The following ERICH6 variants were observed in gnomAD, a reference collection of about 807,000 sequenced individuals.
ERICH6 encodes the protein glutamate-rich protein 6.
Under a neutral mutation model 71.0 loss-of-function variants are expected in ERICH6, and 71 were observed. The observed-to-expected ratio is 1.00, with a 90% CI of 0.83 to 1.22. ERICH6 has a LOEUF of 1.22. Among genes scored for constraint, ERICH6 ranks in the 50% most tolerant of loss-of-function variants. The probability of loss-of-function intolerance (pLI) is 0.00; values close to 1 mark genes in which losing one functional copy is unlikely to be tolerated. For missense variants in ERICH6, 808 were observed against 797.2 expected (o/e 1.01, Z -0.16); for synonymous variants, 262 against 278.4 (o/e 0.94, Z 0.59).
At chr3:150,664,787 T>C (rs1428366947) in intron 13 of ERICH6, among the ~76,000 whole-genome samples, 1 of 150,166 alleles carries the variant, frequency 6.7e-6, no homozygotes, top group Non-Finnish European at 1.5e-5. Flanking sequence ...TTTAAAAAAT[T>C]ATCTTTATTT....
rs1712156702 is a variant in ERICH6, at chr3:150,685,783, C to T, written c.742G>A (p.Ala248Thr). 6.2e-7 allele frequency: 1 copy of T among 1,613,884 alleles called. No homozygotes were observed. ...AAATTGGAGCTCTCTTCTTTGTATGCCAGAATGGATGGTGGTCCGATGCTG... is the reference window on the plus strand; with the variant it reads ...AAATTGGAGCTCTCTTCTTTGTATGTCAGAATGGATGGTGGTCCGATGCTG... ...LPSIGPPSILAYKEESSNLGI... is the reference protein window; with the variant it reads ...LPSIGPPSILTYKEESSNLGI... The change falls in exon 6 of 14, where the codon GCA becomes ACA. Residue 248 changes from alanine (A) to threonine (T), a missense_variant. This residue lies in a region of ERICH6 where 736 missense variants were observed against 712.2 expected (regional missense o/e 1.03). Coordinates refer to ENST00000295910, the MANE Select transcript of ERICH6 (RefSeq NM_152394.5).
chr3:150,672,982 G>A (rs1241464331), intron 11 of ERICH6, among the ~76,000 whole-genome samples: 1 of 151,988 alleles, frequency 6.6e-6, no homozygotes, highest in Non-Finnish European at 1.5e-5. Context: ...TCATAATTGT[G>A]CCACTGCACT....
chr3:150,694,501 C>T (rs1712577439), intron 3 of ERICH6, among the ~76,000 whole-genome samples: 2 of 152,160 alleles, frequency 1.3e-5, no homozygotes, highest in South Asian at 4.1e-4. Context: ...ATTTAAAGTG[C>T]TGATTTACTG....
At chr3:150,690,438 T>G (rs967266544) in intron 3 of ERICH6, among the ~76,000 whole-genome samples, 1 of 152,180 alleles carries the variant, frequency 6.6e-6, no homozygotes, top group Non-Finnish European at 1.5e-5. Flanking sequence ...ATCTATAAGA[T>G]GTACTTCTAT....
At position 150,666,885 on chromosome 3, in the gene ERICH6, G is replaced by A. The variant is rs373184930; in HGVS notation, c.1630C>T (p.Arg544Cys). 2.5e-5 allele frequency: 40 copies of A among 1,613,970 alleles called. No homozygotes were observed. The highest frequency in any genetic ancestry group is 1.9e-4 in the African/African-American group (14 of 74,884). The change falls in exon 13 of 14, where the codon CGT becomes TGT. Residue 544 changes from arginine (R) to cysteine (C), a missense_variant. This residue lies in a region of ERICH6 where 736 missense variants were observed against 712.2 expected (regional missense o/e 1.03). Transcript: ENST00000295910. ...TCTAAGATGCGGACTCCAATATAAC[G>A]GTTCAAAGCCAGAAAGACAGGTTTA... ...SFKPVFLALN[R>C]YIGVRILEQD...
chr3:150,665,900 CTA>C (rs1168112181), intron 13 of ERICH6, among the ~76,000 whole-genome samples: 2 of 151,648 alleles, frequency 1.3e-5, no homozygotes, highest in Non-Finnish European at 2.9e-5. Context: ...AAGTCACACA[CTA>C]TATGTGTTAT....
chr3:150,685,606 C>T (rs990608490), intron 6 of ERICH6, 136 bp downstream of exon 6: 1 of 728,680 alleles, frequency 1.4e-6, no homozygotes, highest in African/African-American at 1.8e-5. Context: ...ACTCTAAGTG[C>T]TATTCTAAGT....
intron 3 of ERICH6, among the ~76,000 whole-genome samples, chr3:150,697,009 T>G (rs1227667502): frequency 6.6e-6 from 1 of 152,114 alleles, no homozygotes; most frequent in Non-Finnish European, 1.5e-5. Flanking sequence ...TATGCATCAG[T>G]TGGGGAATCT....
At position 150,673,632 on chromosome 3, in the gene ERICH6, A is replaced by T. The variant is rs567486655; in HGVS notation, c.1343+324T>A. 4.8e-4 allele frequency among the ~76,000 whole-genome samples: 73 copies of T among 152,226 alleles called. 1 individual carries two copies. Among genetic ancestry groups the T allele is most frequent in the African/African-American group, 1.8e-3 (73 of 41,512 alleles). On this transcript the variant is annotated intron_variant, in intron 11 of 13. Coordinates refer to ENST00000295910, the MANE Select transcript of ERICH6 (RefSeq NM_152394.5). ...GAGACACGGTCCCACTTCGTTGCCCATGCTGGAGTGCAGTGGCACAATCTC... is the reference window on the plus strand; with the variant it reads ...GAGACACGGTCCCACTTCGTTGCCCTTGCTGGAGTGCAGTGGCACAATCTC...
rs955830521 is a variant in ERICH6 at position 150,682,168 on chromosome 3, T to C, written c.882+50A>G. Reference sequence around the variant, plus strand: ...GAAAGATGCAAGAGAAAATACTACATATGTTTAAAGATAATACTATTTCCA... The same window carrying C: ...GAAAGATGCAAGAGAAAATACTACACATGTTTAAAGATAATACTATTTCCA... On this transcript the variant is annotated intron_variant, in intron 7 of 13. Transcript: ENST00000295910. 9 of 1,441,758 alleles carry C rather than the reference T, an allele frequency of 6.2e-6. No homozygotes were observed. The African/African-American group carries it at 1.3e-4, about 20-fold the overall frequency. 89.3% of individuals were successfully genotyped at this position (1,441,758 alleles called of 1,614,324 possible).
chr3:150,676,073 A>C (rs750631444), intron 10 of ERICH6, among the ~76,000 whole-genome samples: 19 of 152,046 alleles, frequency 1.2e-4, no homozygotes, highest in Non-Finnish European at 2.1e-4. Flanking sequence ...GAACAAATGC[A>C]CGTTAGACCT....
chr3:150,679,762 A>T (rs1711821784), intron 9 of ERICH6, among the ~76,000 whole-genome samples: 1 of 151,864 alleles, frequency 6.6e-6, no homozygotes, highest in Non-Finnish European at 1.5e-5. Flanking sequence ...GGTTCAGGTG[A>T]TTCTCCTGCC....
At chr3:150,699,061 C>G (rs569968161) in intron 2 of ERICH6, among the ~76,000 whole-genome samples, 179 bp from the exon 3 acceptor site, 10 of 152,120 alleles carry the variant, frequency 6.6e-5, no homozygotes, top group African/African-American at 2.2e-4. Flanking sequence ...TGCATCAAAT[C>G]TTTTTTTGGG....
chr3:150,666,708 C>A, intron 13 of ERICH6, 79 bp downstream of exon 13: 2 of 1,228,938 alleles, frequency 1.6e-6, no homozygotes, highest in Non-Finnish European at 2.3e-6. Flanking sequence ...TGTAATCTAT[C>A]AGTAATAATA....
Position 150,682,314 on chromosome 3 carries a change from A to C in ERICH6, c.786T>G (p.Asp262Glu). 1 of 1,611,868 alleles carries C rather than the reference A, an allele frequency of 6.2e-7. No homozygotes were observed. The highest frequency in any genetic ancestry group is 8.5e-7 in the Non-Finnish European group (1 of 1,179,480). The stretch of plus-strand genomic sequence containing the variant: ...ATTTGGGTGATGTCTCCTCCTCTTC[A>C]TCCTTCAGAGAGAGAGGAAAAAAAT... ...ESSNLGINFK[D>E]EEEETSPKCE... is the part of the protein sequence containing the mutation. The change falls in exon 7 of 14, where the codon GAT (aspartate) becomes GAG (glutamate). Residue 262 changes from aspartate (D) to glutamate (E), a missense_variant and splice_region_variant. Asp to Glu is a conservative substitution (Grantham distance 45). Transcript: ENST00000295910.
chr3:150,699,475 C>G (rs1712778976), intron 2 of ERICH6, among the ~76,000 whole-genome samples: 8 of 152,182 alleles, frequency 5.3e-5, no homozygotes, highest in Admixed American at 3.3e-4. Flanking sequence ...ATAGCAGACT[C>G]TCCTATGCAA....
intron 11 of ERICH6, among the ~76,000 whole-genome samples, chr3:150,671,263 T>TA (rs1170818719): frequency 6.6e-6 from 1 of 152,194 alleles, no homozygotes; most frequent in Non-Finnish European, 1.5e-5. Flanking sequence ...AGTAAACACT[T>TA]ACGAAACGAT....
intron 13 of ERICH6, among the ~76,000 whole-genome samples, chr3:150,661,117 C>T (rs766957154): frequency 3.3e-5 from 5 of 152,116 alleles, no homozygotes; most frequent in African/African-American, 9.7e-5. Context: ...AAGATTTCAT[C>T]GGCAGGATAA....
intron 13 of ERICH6, among the ~76,000 whole-genome samples, chr3:150,666,174 C>T (rs1159573529): frequency 1.3e-5 from 2 of 152,162 alleles, no homozygotes; most frequent in African/African-American, 4.8e-5. Context: ...GCATTATTGC[C>T]GGTCACTGAG....
Sources: gnomAD v4.1 joint callset for allele counts (sites outside exome capture counted in the v4.1 genomes callset) on GRCh38, gnomAD v4.1.1 for gene constraint, gnomAD v4.1.1 regional missense constraint, MANE v1.5 for transcripts, NCBI Gene and HGNC (gene_info 2026-07-23, HGNC 2026-07-21) for gene names.